The following ATP2A3 variants were observed in gnomAD, a reference collection of about 807,000 sequenced individuals.
The protein encoded by ATP2A3 is sarcoplasmic/endoplasmic reticulum calcium ATPase 3.
In ATP2A3, 61 loss-of-function variants were observed where a neutral mutation model predicts 106.8. That is an observed-to-expected ratio of 0.57 (90% CI 0.46 to 0.71). ATP2A3 has a LOEUF of 0.71. ATP2A3 is among the 30% of genes least tolerant of loss of function. The pLI, the probability that ATP2A3 is intolerant of heterozygous loss-of-function variation, is 0.00. For missense variants in ATP2A3, 1,201 were observed against 1,423.5 expected (o/e 0.84, Z 2.52); for synonymous variants, 611 against 609.3 (o/e 1.00, Z -0.04).
chr17:3,959,992 A>G (rs7209880), intron 1 of ATP2A3, among the ~76,000 whole-genome samples: 96,114 of 152,146 alleles, frequency 0.63, 31,987 homozygotes, highest in African/African-American at 0.82. Context: ...GGGGGGCTTC[A>G]GCTGCCCAGC....
chr17:3,954,136 G>A (rs1195996661), intron 1 of ATP2A3, among the ~76,000 whole-genome samples: 1 of 152,056 alleles, frequency 6.6e-6, no homozygotes, highest in Non-Finnish European at 1.5e-5. Flanking sequence ...GAGTCCTGTT[G>A]AGTCTCTGCC....
chr17:3,925,444 G>A lies in ATP2A3; in HGVS notation c.2981-3C>T, dbSNP rs1252563531. 6.2e-7 allele frequency: 1 copy of A among 1,613,266 alleles called. No individual in the cohort carries two copies. The highest frequency in any genetic ancestry group is 8.5e-7 in the Non-Finnish European group (1 of 1,179,820). Reference sequence around the variant, plus strand: ...CGCTCACTTCTGGCTCATTTCTTCTGGAAGAAAAACCCAAGAGCGCGTTAA... The same window carrying A: ...CGCTCACTTCTGGCTCATTTCTTCTAGAAGAAAAACCCAAGAGCGCGTTAA... On this transcript the variant is annotated splice_polypyrimidine_tract_variant and splice_region_variant and intron_variant, in intron 20 of 20. Transcript: ENST00000397041. This position sits in a 1 kb window ranked among gnomAD's most constrained non-coding sequence, Gnocchi z 4.2.
Position 3,951,082 on chromosome 17 carries a change from G to A in ATP2A3, c.463+169C>T, listed in dbSNP as rs543126038. On this transcript the variant is annotated intron_variant, in intron 5 of 20. Transcript: ENST00000397041. Reference sequence around the variant, plus strand: ...GCCCCTACAGAAGCCTGAGACAGGAGGATTGCTTGAACCCGGGAGGCAGGA... The same window carrying A: ...GCCCCTACAGAAGCCTGAGACAGGAAGATTGCTTGAACCCGGGAGGCAGGA... 8.5e-5 allele frequency among the ~76,000 whole-genome samples: 13 copies of A among 152,110 alleles called. No individual in the cohort carries two copies. In the South Asian group the frequency reaches 2.7e-3, roughly 32 times the overall value.
At chr17:3,964,086 C>A (rs1341575751) in intron 1 of ATP2A3, 88 bp downstream of exon 1, 11 of 737,550 alleles carry the variant, frequency 1.5e-5, no homozygotes, top group Non-Finnish European at 1.9e-5. Context: ...CCTGCCCGCC[C>A]AGAGCCGGGT....
chr17:3,938,854 C>T (rs1847438533), intron 14 of ATP2A3, among the ~76,000 whole-genome samples: 1 of 152,098 alleles, frequency 6.6e-6, no homozygotes, highest in South Asian at 2.1e-4. Flanking sequence ...GAATTCATAT[C>T]AGGGTTAAGC....
rs2052635406 is a variant in ATP2A3, at chr17:3,925,195, G to A, written c.*227C>T. ...CTGCAGAGCAGGGAACTTCCCAGGA[G>A]AGTCCAGGAGACAGGAATTACAGAC... is the stretch of plus-strand genomic sequence containing the variant. On this transcript the variant is annotated 3_prime_UTR_variant, in exon 21 of 21. Coordinates refer to ENST00000397041, the MANE Select transcript of ATP2A3 (RefSeq NM_005173.4). This position sits in a 1 kb window ranked among gnomAD's most constrained non-coding sequence, Gnocchi z 4.2. 1 of 661,148 alleles carries A rather than the reference G, an allele frequency of 1.5e-6. No individual in the cohort carries two copies. Among genetic ancestry groups the A allele is most frequent in the African/African-American group, 1.8e-5 (1 of 55,198 alleles). The allele number at this position is 661,148 out of a possible 1,614,324, so 41.0% of individuals were successfully genotyped here. A position where few individuals can be genotyped will look rare whatever the true frequency, so the allele number is the denominator to read the frequency against.
chr17:3,924,255 C>T lies in ATP2A3; in HGVS notation c.*1167G>A, dbSNP rs1597546646. On this transcript the variant is annotated 3_prime_UTR_variant, in exon 21 of 21. Transcript: ENST00000397041. This position sits in a 1 kb window ranked among gnomAD's most constrained non-coding sequence, Gnocchi z 6.4. ...CTTGGTGCAGGTTTCTGCTACCCCT[C>T]GCTAGTTTTTGCCAAAGTAGCAAAA... 1.3e-5 allele frequency: 2 copies of T among 155,464 alleles called. No homozygotes were observed. The highest frequency in any genetic ancestry group is 2.4e-5 in the African/African-American group (1 of 41,600). The allele number at this position is 155,464 out of a possible 1,614,324, so 9.6% of individuals were successfully genotyped here. A position where few individuals can be genotyped will look rare whatever the true frequency, so the allele number is the denominator to read the frequency against.
In ATP2A3 at chr17:3,924,763, C is replaced by G; in HGVS notation, c.*659G>C. The G allele has an allele frequency of 2.2e-6, 1 of 456,712 alleles. No individual in the cohort carries two copies. The highest frequency in any genetic ancestry group is 4.4e-6 in the Non-Finnish European group (1 of 226,962). 28.3% of individuals were successfully genotyped at this position (456,712 alleles called of 1,614,324 possible). The stretch of plus-strand genomic sequence containing the variant: ...TCCTCGCTCCGCCCTCCTGCCGGCT[C>G]CTTGTGTCCGTCTCTCTGACCCTTC... On this transcript the variant is annotated 3_prime_UTR_variant, in exon 21 of 21. Transcript: ENST00000397041. This position sits in a 1 kb window ranked among gnomAD's most constrained non-coding sequence, Gnocchi z 6.4.
chr17:3,962,915 T>C (rs557009795), intron 1 of ATP2A3, among the ~76,000 whole-genome samples: 3 of 152,174 alleles, frequency 2.0e-5, no homozygotes, highest in Admixed American at 6.5e-5. Flanking sequence ...AGGCAGCCCA[T>C]GCTGCCCAGC....
intron 17 of ATP2A3, among the ~76,000 whole-genome samples, chr17:3,933,052 C>T (rs375783200): frequency 2.0e-5 from 3 of 147,288 alleles, no homozygotes; most frequent in Non-Finnish European, 3.0e-5. Flanking sequence ...GAGGCCAAGG[C>T]GGGCAGATCA....
intron 12 of ATP2A3, 39 bp downstream of exon 12, chr17:3,942,566 AG>A (rs779980889): frequency 1.1e-5 from 18 of 1,599,780 alleles, no homozygotes; most frequent in Non-Finnish European, 1.4e-5. Context: ...CAGGTTCCCC[AG>A]GGCGCGCAGG....
intron 14 of ATP2A3, among the ~76,000 whole-genome samples, chr17:3,938,674 T>C (rs1473579489): frequency 1.3e-5 from 2 of 151,776 alleles, no homozygotes; most frequent in Admixed American, 6.6e-5. Flanking sequence ...GCCTCCCAAG[T>C]AGCTGAGATT....
chr17:3,934,625 G>A (rs1597587766), intron 17 of ATP2A3, among the ~76,000 whole-genome samples: 1 of 149,936 alleles, frequency 6.7e-6, no homozygotes, highest in African/African-American at 2.5e-5. Context: ...CCAGGTTCAT[G>A]TGATTCAACT....
intron 4 of ATP2A3, 46 bp from the exon 5 acceptor site, chr17:3,951,435 G>A (rs371828833): frequency 9.3e-6 from 15 of 1,612,150 alleles, no homozygotes; most frequent in South Asian, 8.8e-5. Context: ...GCTGCCCCCC[G>A]CAGACCACCC....
At chr17:3,942,430 A>C (rs1484119104) in intron 12 of ATP2A3, among the ~76,000 whole-genome samples, 176 bp downstream of exon 12, 1 of 152,166 alleles carries the variant, frequency 6.6e-6, no homozygotes, top group African/African-American at 2.4e-5. Context: ...CAAAACACAG[A>C]GCACCAAGGG....
At chr17:3,945,324 A>T in intron 8 of ATP2A3, 176 bp from the exon 9 acceptor site, 1 of 552,754 alleles carries the variant, frequency 1.8e-6, no homozygotes. Flanking sequence ...TGAGGCAGGG[A>T]CCGTCTGCTC....
At chr17:3,958,871 C>CAT (rs1567727028) in intron 1 of ATP2A3, among the ~76,000 whole-genome samples, 1 of 87,596 alleles carries the variant, frequency 1.1e-5, no homozygotes, top group Non-Finnish European at 2.3e-5. Context: ...TATATATATA[C>CAT]ACACACACAC....
chr17:3,956,580 C>G (rs1597672522), intron 1 of ATP2A3, among the ~76,000 whole-genome samples: 1 of 152,132 alleles, frequency 6.6e-6, no homozygotes, highest in African/African-American at 2.4e-5. Context: ...AATAGCCAAG[C>G]GGCTGGAGCT....
Position 3,964,434 on chromosome 17 carries a change from T to G in ATP2A3, c.-143A>C. ...GTGCTGGGACCTTACCCGACGGCAG[T>G]GGCGGCGGCGGCCCCGGCCCGCGCC... On this transcript the variant is annotated 5_prime_UTR_variant, in exon 1 of 21. Coordinates refer to ENST00000397041, the MANE Select transcript of ATP2A3 (RefSeq NM_005173.4). 7.1e-6 allele frequency: 2 copies of G among 283,302 alleles called. No individual in the cohort carries two copies. Among genetic ancestry groups the G allele is most frequent in the Non-Finnish European group, 1.1e-5 (2 of 180,026 alleles). 17.5% of individuals were successfully genotyped at this position (283,302 alleles called of 1,614,324 possible).
Sources: allele counts gnomAD v4.1 joint callset (sites outside exome capture counted in the v4.1 genomes callset), GRCh38; gene constraint gnomAD v4.1.1; non-coding constraint Gnocchi (gnomAD v3.1); transcripts MANE v1.5; gene names NCBI Gene and HGNC (gene_info 2026-07-23, HGNC 2026-07-21).